RIC1: variants seen among roughly 807,000 people sequenced by gnomAD.
The protein encoded by RIC1 is RIC1 partner of RAB6A GEF complex, also known as guanine nucleotide exchange factor subunit RIC1.
A neutral mutation model predicts 169.0 loss-of-function variants in RIC1; 88 were observed. The ratio of observed to expected loss-of-function variants is 0.52; its 90% CI spans 0.44 to 0.62. RIC1 has a LOEUF of 0.62. Among genes scored for constraint, RIC1 ranks in the 20% least tolerant of loss-of-function variants. The pLI, the probability that RIC1 is intolerant of heterozygous loss-of-function variation, is 0.00. For synonymous variants in RIC1, 790 were observed against 601.5 expected, an observed-to-expected ratio of 1.31 and a Z score of -4.59; for missense variants, 1,877 against 1,725.5, an observed-to-expected ratio of 1.09 and a Z score of -1.56.
chr9:5,743,765 T>G lies in RIC1; in HGVS notation c.1095+28T>G, dbSNP rs563512340. 9.8e-6 allele frequency: 15 copies of G among 1,534,080 alleles called. No individual in the cohort carries two copies. In the African/African-American group the frequency reaches 2.0e-4, roughly 20 times the overall value. ...AAGTACTTTCTATAAAAAATTGGCA[T>G]GGTATTAAAAAAACTTGGATTTTTC... On this transcript the variant is annotated intron_variant, in intron 10 of 25. Transcript: ENST00000414202.
intron 2 of RIC1, among the ~76,000 whole-genome samples, chr9:5,678,614 T>C (rs1359594262): frequency 6.6e-6 from 1 of 152,206 alleles, no homozygotes; most frequent in Non-Finnish European, 1.5e-5. Flanking sequence ...ATGAGCATTT[T>C]TTCATGTGTT....
At chr9:5,709,398 A>G (rs1822795578) in intron 3 of RIC1, among the ~76,000 whole-genome samples, 1 of 152,134 alleles carries the variant, frequency 6.6e-6, no homozygotes, top group African/African-American at 2.4e-5. Context: ...AGCCTTAAAT[A>G]TTAGAGTTTG....
At chr9:5,683,683 G>A (rs1821005956) in intron 2 of RIC1, among the ~76,000 whole-genome samples, 1 of 152,188 alleles carries the variant, frequency 6.6e-6, no homozygotes, top group African/African-American at 2.4e-5. Flanking sequence ...TGTCAGACAG[G>A]GACATTTAAG....
At chr9:5,730,505 T>C (rs1824305520) in intron 6 of RIC1, among the ~76,000 whole-genome samples, 1 of 152,118 alleles carries the variant, frequency 6.6e-6, no homozygotes, top group African/African-American at 2.4e-5. Flanking sequence ...AAAGGGCAAA[T>C]AATGTAGGCA....
intron 2 of RIC1, among the ~76,000 whole-genome samples, chr9:5,684,550 A>G (rs1019384679): frequency 1.3e-5 from 2 of 151,832 alleles, no homozygotes; most frequent in African/African-American, 2.4e-5. Context: ...AATTGTTCTT[A>G]TTAGTATGTA....
At chr9:5,748,622 C>G (rs1825532109) in intron 12 of RIC1, 1 of 152,642 alleles carries the variant, frequency 6.6e-6, no homozygotes, top group Admixed American at 6.5e-5. Flanking sequence ...ATACTTTGAA[C>G]TATTCATTCT....
chr9:5,707,195 G>C (rs1054467531), intron 3 of RIC1, among the ~76,000 whole-genome samples: 1 of 151,984 alleles, frequency 6.6e-6, no homozygotes, highest in Admixed American at 6.5e-5. Flanking sequence ...GAATTTTCTA[G>C]TTTTTCTTTT....
intron 3 of RIC1, among the ~76,000 whole-genome samples, chr9:5,692,006 T>C (rs756799456): frequency 7.9e-5 from 12 of 152,114 alleles, no homozygotes; most frequent in Admixed American, 7.2e-4. Flanking sequence ...ACCAGTTAAC[T>C]AAGTAGTCCT....
intron 2 of RIC1, among the ~76,000 whole-genome samples, chr9:5,676,732 A>G (rs1586925924): frequency 6.6e-6 from 1 of 152,208 alleles, no homozygotes; most frequent in South Asian, 2.1e-4. Flanking sequence ...CTCAAAACCA[A>G]CGACTGATCT....
chr9:5,632,560 A>G (rs1343431718), intron 1 of RIC1, among the ~76,000 whole-genome samples: 5 of 152,100 alleles, frequency 3.3e-5, no homozygotes, highest in African/African-American at 9.7e-5. Context: ...TGGAGCCCCA[A>G]TATTATATTT....
chr9:5,650,337 G>A (rs532905560), intron 1 of RIC1, among the ~76,000 whole-genome samples: 1 of 152,160 alleles, frequency 6.6e-6, no homozygotes, highest in East Asian at 1.9e-4. Flanking sequence ...GTGGCAGACA[G>A]GGTGAGGCAA....
chr9:5,773,690 T>C (rs1002626966), intron 25 of RIC1, among the ~76,000 whole-genome samples: 3 of 152,202 alleles, frequency 2.0e-5, no homozygotes, highest in African/African-American at 4.8e-5. Flanking sequence ...TTGTAAAATA[T>C]AATTTTTAGT....
At chr9:5,715,496 C>T (rs1823178924) in intron 4 of RIC1, among the ~76,000 whole-genome samples, 1 of 152,168 alleles carries the variant, frequency 6.6e-6, no homozygotes, top group South Asian at 2.1e-4. Context: ...TTATCAGCAC[C>T]TGAAACACAT....
chr9:5,769,501 T>A lies in RIC1; in HGVS notation c.3424+245T>A. ...ATTCAAAAATCTAATCATACTTGGA[T>A]TATAAAGAAGTTGAGAACTGCCTGA... On this transcript the variant is annotated intron_variant, in intron 22 of 25. Transcript: ENST00000414202. 4.3e-6 allele frequency: 6 copies of A among 1,382,818 alleles called. No individual in the cohort carries two copies. The South Asian group carries it at 9.2e-5, about 21-fold the overall frequency. The allele number at this position is 1,382,818 out of a possible 1,614,324, so 85.7% of individuals were successfully genotyped here. A position where few individuals can be genotyped will look rare whatever the true frequency, so the allele number is the denominator to read the frequency against.
At chr9:5,633,508 G>A (rs1817821376) in intron 1 of RIC1, among the ~76,000 whole-genome samples, 1 of 152,000 alleles carries the variant, frequency 6.6e-6, no homozygotes, top group African/African-American at 2.4e-5. Flanking sequence ...CTTTCTTTAT[G>A]AGTCATTCTT....
intron 2 of RIC1, among the ~76,000 whole-genome samples, chr9:5,681,195 T>G (rs1820812970): frequency 6.6e-6 from 1 of 152,174 alleles, no homozygotes; most frequent in Admixed American, 6.5e-5. Flanking sequence ...ATTTCTTACC[T>G]TCTGCTAGCT....
At chr9:5,676,127 G>A (rs1396610845) in intron 2 of RIC1, among the ~76,000 whole-genome samples, 9 of 152,148 alleles carry the variant, frequency 5.9e-5, no homozygotes, top group African/African-American at 2.2e-4. Context: ...GTGTTGCCCA[G>A]GCTGGTCTCA....
At chr9:5,674,716 C>T (rs751631567) in intron 2 of RIC1, among the ~76,000 whole-genome samples, 3 of 152,192 alleles carry the variant, frequency 2.0e-5, no homozygotes, top group African/African-American at 2.4e-5. Flanking sequence ...CCTACCTGCT[C>T]TTTTCTCTTG....
At chr9:5,635,269 C>T (rs142396390) in intron 1 of RIC1, among the ~76,000 whole-genome samples, 26 of 152,266 alleles carry the variant, frequency 1.7e-4, no homozygotes, top group African/African-American at 6.0e-4. Flanking sequence ...CATGGGCCAC[C>T]ACACCCAGTC....
Sources: allele counts gnomAD v4.1 joint callset (sites outside exome capture counted in the v4.1 genomes callset), GRCh38; gene constraint gnomAD v4.1.1; transcripts MANE v1.5; gene names NCBI Gene and HGNC (gene_info 2026-07-23, HGNC 2026-07-21).